Variants in COLEC10 observed in about 807,000 individuals in gnomAD.
The protein encoded by COLEC10 is collectin subfamily member 10, also known as collectin-10.
A neutral mutation model predicts 28.4 loss-of-function variants in COLEC10; 22 were observed. The ratio of observed to expected loss-of-function variants is 0.78; its 90% CI spans 0.55 to 1.11. The LOEUF (loss-of-function observed/expected upper bound fraction) is 1.11. Among genes scored for constraint, COLEC10 ranks in the 50% least tolerant of loss-of-function variants. The probability of loss-of-function intolerance (pLI) is 0.00; values close to 1 mark genes in which losing one functional copy is unlikely to be tolerated. For missense variants in COLEC10, 361 were observed against 344.1 expected (o/e 1.05, Z -0.39); for synonymous variants, 125 against 116.1 (o/e 1.08, Z -0.49).
chr8:118,968,370 C>T, the COLEC10 span, among the ~76,000 whole-genome samples: 1 of 151,778 alleles, frequency 6.6e-6, no homozygotes, highest in Non-Finnish European at 1.5e-5. Context: ...TATGCTAAAC[C>T]ATCTGGTTAT....
upstream of COLEC10, among the ~76,000 whole-genome samples, chr8:118,993,332 T>C (rs537493376): frequency 1.3e-4 from 20 of 152,164 alleles, no homozygotes; most frequent in Admixed American, 1.3e-3. Flanking sequence ...CTTCTTCTTG[T>C]TTTTTGTTTG....
At chr8:118,952,694 C>T in the COLEC10 span, among the ~76,000 whole-genome samples, 1 of 152,206 alleles carries the variant, frequency 6.6e-6, no homozygotes, top group African/African-American at 2.4e-5. Context: ...ACCAACCCCA[C>T]CATCATCAAA....
Position 119,091,032 on chromosome 8 carries a change from G to C in COLEC10, c.221-117G>C, listed in dbSNP as rs568613101. The C allele has an allele frequency of 1.4e-5, 11 of 767,242 alleles. No individual in the cohort carries two copies. The Admixed American group carries it at 1.7e-4, about 12-fold the overall frequency. The allele number at this position is 767,242 out of a possible 1,614,324, so 47.5% of individuals were successfully genotyped here. ...ACAATATAGCATGGGATATATATTA[G>C]ATATCACTGGTAGAAGAATATACTT... On this transcript the variant is annotated intron_variant, in intron 2 of 5. Transcript: ENST00000332843.
rs138667193 is a variant in COLEC10 at position 119,014,357 on chromosome 8, G to A, written n.235+4804G>A. Among the ~76,000 whole-genome samples, 669 of 149,086 alleles carry A rather than the reference G, an allele frequency of 4.5e-3. 33 individuals are homozygous for A. The highest frequency in any genetic ancestry group is 0.015 in the African/African-American group (592 of 39,406). ...TCGCAGGGTACAGCATTCTAGATTG[G>A]TAGGTCTTTTCCCCTCAACACTAAA... On this transcript the variant is annotated intron_variant and non_coding_transcript_variant, in intron 2 of 6. Transcript: ENST00000521788.
intron 2 of COLEC10, among the ~76,000 whole-genome samples, chr8:119,012,525 G>A (rs4617188): frequency 0.57 from 86,112 of 149,888 alleles, 25,913 homozygotes; most frequent in Middle Eastern, 0.7. Flanking sequence ...TTTTCTGTAA[G>A]AGTTTTTAGA....
At chr8:119,099,781 A>G (rs1315438761) in intron 3 of COLEC10, among the ~76,000 whole-genome samples, 1 of 152,114 alleles carries the variant, frequency 6.6e-6, no homozygotes, top group African/African-American at 2.4e-5. Flanking sequence ...GATCCACACC[A>G]TCTTTTCTTT....
chr8:119,041,832 A>G (rs1208151956), intron 2 of COLEC10, among the ~76,000 whole-genome samples: 1 of 152,204 alleles, frequency 6.6e-6, no homozygotes, highest in Admixed American at 6.5e-5. Context: ...GAATTTAATC[A>G]GAAAAACAGG....
At chr8:119,053,473 C>G (rs1207797236) in intron 2 of COLEC10, among the ~76,000 whole-genome samples, 1 of 151,882 alleles carries the variant, frequency 6.6e-6, no homozygotes, top group African/African-American at 2.4e-5. Flanking sequence ...TCCACATTTC[C>G]TAACATACAC....
At chr8:119,026,722 A>C (rs1189067102) in intron 2 of COLEC10, among the ~76,000 whole-genome samples, 1 of 152,186 alleles carries the variant, frequency 6.6e-6, no homozygotes, top group Non-Finnish European at 1.5e-5. Context: ...GGAAGAAATC[A>C]GGTTTGGGCA....
At chr8:118,963,495 A>G in the COLEC10 span, among the ~76,000 whole-genome samples, 1 of 152,204 alleles carries the variant, frequency 6.6e-6, no homozygotes, top group Non-Finnish European at 1.5e-5. Context: ...GTCTACTTTT[A>G]TATTTTACTT....
rs1292620160 is a variant in COLEC10, at chr8:119,009,635, A to G, written n.235+82A>G. On this transcript the variant is annotated intron_variant and non_coding_transcript_variant, in intron 2 of 6. Transcript: ENST00000521788. ...AGAAAACGAACTAAGACAAATGTAT[A>G]GAAGTGACAGATTTGTTGGGCAGAG... The G allele has an allele frequency of 1.3e-5, 2 of 150,822 alleles. 1 individual carries two copies. The highest frequency in any genetic ancestry group is 1.3e-4 in the Admixed American group (2 of 15,206). The allele number at this position is 150,822 out of a possible 1,614,324, so 9.3% of individuals were successfully genotyped here. A position where few individuals can be genotyped will look rare whatever the true frequency, so the allele number is the denominator to read the frequency against.
At chr8:118,968,409 T>C in the COLEC10 span, among the ~76,000 whole-genome samples, 1 of 151,976 alleles carries the variant, frequency 6.6e-6, no homozygotes, top group Non-Finnish European at 1.5e-5. Context: ...CTGACAAAAT[T>C]TCTCTTTCAG....
chr8:119,019,980 T>C (rs1814064160), intron 2 of COLEC10, among the ~76,000 whole-genome samples: 1 of 152,204 alleles, frequency 6.6e-6, no homozygotes, highest in Non-Finnish European at 1.5e-5. Flanking sequence ...TTTCATTCAC[T>C]TCTCAATATT....
chr8:118,975,934 A>G, the COLEC10 span, among the ~76,000 whole-genome samples: 2 of 152,052 alleles, frequency 1.3e-5, no homozygotes, highest in Admixed American at 1.3e-4. Flanking sequence ...TTGAGCTTAT[A>G]AGGTAGATAA....
At chr8:118,973,648 A>C in the COLEC10 span, among the ~76,000 whole-genome samples, 4,413 of 152,104 alleles carry the variant, frequency 0.029, 130 homozygotes, top group East Asian at 0.16. Context: ...TTTATTGGTT[A>C]TAAGCAAGTC....
intron 1 of COLEC10, among the ~76,000 whole-genome samples, chr8:119,075,915 T>TG (rs1487073489): frequency 2.0e-4 from 17 of 85,120 alleles, no homozygotes; most frequent in African/African-American, 6.6e-4. Context: ...TTTTTTTTTT[T>TG]TGTGAGACAG....
chr8:118,967,127 C>CGGATT, the COLEC10 span, among the ~76,000 whole-genome samples: 1 of 152,100 alleles, frequency 6.6e-6, no homozygotes, highest in Admixed American at 6.6e-5. Context: ...TAGAGTAACA[C>CGGATT]AGGGTGATTT....
intron 1 of COLEC10, among the ~76,000 whole-genome samples, chr8:118,998,008 G>T (rs1813618627): frequency 6.6e-6 from 1 of 152,134 alleles, no homozygotes; most frequent in Non-Finnish European, 1.5e-5. Context: ...GCACTGGAAT[G>T]TTCAACATAT....
chr8:118,975,655 A>C, the COLEC10 span, among the ~76,000 whole-genome samples: 1 of 151,960 alleles, frequency 6.6e-6, no homozygotes, highest in Non-Finnish European at 1.5e-5. Context: ...CCAAACTATT[A>C]ATCTTGCCTT....
Sources: allele counts gnomAD v4.1 joint callset (sites outside exome capture counted in the v4.1 genomes callset), GRCh38; gene constraint gnomAD v4.1.1; transcripts MANE v1.5; gene names NCBI Gene and HGNC (gene_info 2026-07-23, HGNC 2026-07-21).